Variants in MACROD2 observed in about 807,000 individuals in gnomAD.
MACROD2 encodes the protein mono-ADP ribosylhydrolase 2, also known as ADP-ribose glycohydrolase MACROD2.
In MACROD2, 36 loss-of-function variants were observed where a neutral mutation model predicts 70.4. The observed-to-expected ratio is 0.51, with a 90% CI of 0.39 to 0.68. MACROD2 has a LOEUF of 0.68. Among genes scored for constraint, MACROD2 ranks in the 30% least tolerant of loss-of-function variants. The pLI is 0.00. For synonymous variants in MACROD2, 172 were observed against 178.8 expected, an observed-to-expected ratio of 0.96 and a Z score of 0.30; for missense variants, 496 against 538.4, an observed-to-expected ratio of 0.92 and a Z score of 0.78.
intron 5 of MACROD2, among the ~76,000 whole-genome samples, chr20:15,161,989 GTTGTA>G (rs1298662664): frequency 2.0e-5 from 3 of 151,900 alleles, no homozygotes; most frequent in Admixed American, 6.6e-5. Context: ...CGATATAGGT[GTTGTA>G]TTGTATTAAA....
At chr20:15,159,578 G>T (rs2076333392) in intron 5 of MACROD2, among the ~76,000 whole-genome samples, 1 of 152,078 alleles carries the variant, frequency 6.6e-6, no homozygotes, top group South Asian at 2.1e-4. Context: ...AATGGAAGGA[G>T]CAGACAATCA....
chr20:14,219,462 A>G (rs748398904), intron 3 of MACROD2, among the ~76,000 whole-genome samples: 4 of 151,700 alleles, frequency 2.6e-5, no homozygotes, highest in Non-Finnish European at 4.4e-5. Flanking sequence ...ATTTTCTTAC[A>G]TTGGGCTTCG....
At chr20:15,987,017 G>A in intron 14 of MACROD2, 49 bp from the exon 15 acceptor site, 1 of 1,478,130 alleles carries the variant, frequency 6.8e-7, no homozygotes, top group Non-Finnish European at 9.3e-7. Context: ...TTCTCTCAAT[G>A]ATTCCAACTA....
chr20:14,050,631 C>G (rs1435277432), intron 2 of MACROD2, among the ~76,000 whole-genome samples: 1 of 152,022 alleles, frequency 6.6e-6, no homozygotes, highest in Non-Finnish European at 1.5e-5. Context: ...AAAAAACTGA[C>G]CCCTGGAAAG....
In MACROD2 at chr20:15,175,091, T is replaced by C. The variant is rs535377129; in HGVS notation, c.419-54849T>C. 1.6e-3 allele frequency among the ~76,000 whole-genome samples: 251 copies of C among 152,206 alleles called. 2 individuals carry two copies. Among genetic ancestry groups the C allele is most frequent in the Non-Finnish European group, 2.5e-3 (170 of 68,016 alleles). ...GGCACATATACACCATGGAATACTATGCAGCCATAAAAAATGATGAGTTCA... is the reference window on the plus strand; with the variant it reads ...GGCACATATACACCATGGAATACTACGCAGCCATAAAAAATGATGAGTTCA... On this transcript the variant is annotated intron_variant, in intron 5 of 17. Coordinates refer to ENST00000684519, the MANE Select transcript of MACROD2 (RefSeq NM_001351661.2).
chr20:15,905,788 C>G (rs2065138354), intron 10 of MACROD2, among the ~76,000 whole-genome samples: 3 of 152,148 alleles, frequency 2.0e-5, no homozygotes, highest in Admixed American at 6.5e-5. Context: ...AACTGTCCAC[C>G]TACACTAGAA....
chr20:15,928,688 G>C (rs2065527483), intron 10 of MACROD2, among the ~76,000 whole-genome samples: 1 of 152,216 alleles, frequency 6.6e-6, no homozygotes, highest in African/African-American at 2.4e-5. Context: ...TTTAGACACT[G>C]AGTGGAACAT....
Position 15,403,524 on chromosome 20 carries a change from T to C in MACROD2, c.541-27881T>C, listed in dbSNP as rs193088807. On this transcript the variant is annotated intron_variant, in intron 6 of 17. Transcript: ENST00000684519. Reference sequence around the variant, plus strand: ...CTGTGTAATACCCACTTTTACTTCTTTGTTAACAATGAAATCTCAATTTTA... The same window carrying C: ...CTGTGTAATACCCACTTTTACTTCTCTGTTAACAATGAAATCTCAATTTTA... Among the ~76,000 whole-genome samples, 655 of 152,288 alleles carry C rather than the reference T, an allele frequency of 4.3e-3. 5 individuals carry two copies. Among genetic ancestry groups the C allele is most frequent in the Non-Finnish European group, 6.9e-3 (469 of 68,024 alleles).
intron 8 of MACROD2, among the ~76,000 whole-genome samples, chr20:15,620,777 T>G (rs1258248725): frequency 3.3e-5 from 5 of 152,170 alleles, no homozygotes; most frequent in African/African-American, 7.2e-5. Context: ...CAAGCTGTTT[T>G]TTTGTTTGTT....
At chr20:15,212,363 CAATT>C (rs1474747449) in intron 5 of MACROD2, among the ~76,000 whole-genome samples, 1 of 152,200 alleles carries the variant, frequency 6.6e-6, no homozygotes, top group Admixed American at 6.5e-5. Flanking sequence ...ACTAATGTCT[CAATT>C]AATGTCATCA....
chr20:14,382,445 G>T (rs1430019373), intron 3 of MACROD2, among the ~76,000 whole-genome samples: 1 of 151,786 alleles, frequency 6.6e-6, no homozygotes, highest in Non-Finnish European at 1.5e-5. Flanking sequence ...GAGGAGGGTG[G>T]ATCACCTGAG....
intron 6 of MACROD2, among the ~76,000 whole-genome samples, chr20:15,246,062 TC>T (rs1210257409): frequency 3.3e-5 from 5 of 152,202 alleles, no homozygotes; most frequent in Non-Finnish European, 7.4e-5. Flanking sequence ...TAGGCTAGAA[TC>T]ATGTCCTAAA....
chr20:14,659,901 C>T (rs1986145810), intron 4 of MACROD2, among the ~76,000 whole-genome samples: 1 of 152,066 alleles, frequency 6.6e-6, no homozygotes, highest in Non-Finnish European at 1.5e-5. Context: ...TTTTTGAAAA[C>T]AAACTAAATA....
intron 5 of MACROD2, among the ~76,000 whole-genome samples, chr20:14,935,768 A>G (rs756327108): frequency 6.6e-6 from 1 of 152,190 alleles, no homozygotes; most frequent in African/African-American, 2.4e-5. Context: ...CCAGTCTTCT[A>G]GTGCAAAAAT....
intron 4 of MACROD2, among the ~76,000 whole-genome samples, chr20:14,496,224 C>G (rs1473583471): frequency 2.0e-5 from 3 of 152,092 alleles, no homozygotes; most frequent in African/African-American, 7.2e-5. Flanking sequence ...AAAATCCCTT[C>G]AAAGGTCCAT....
At chr20:14,018,101 AAT>A (rs2053019367) in intron 2 of MACROD2, among the ~76,000 whole-genome samples, 1 of 152,068 alleles carries the variant, frequency 6.6e-6, no homozygotes, top group African/African-American at 2.4e-5. Flanking sequence ...GTATTCTCAT[AAT>A]TATTTCTGTA....
intron 6 of MACROD2, among the ~76,000 whole-genome samples, chr20:15,345,531 A>G (rs1485192476): frequency 6.6e-6 from 1 of 152,154 alleles, no homozygotes; most frequent in African/African-American, 2.4e-5. Flanking sequence ...TTGACATTTC[A>G]TTTCCAGGCT....
At chr20:15,637,425 C>T (rs968347871) in intron 8 of MACROD2, among the ~76,000 whole-genome samples, 1 of 152,200 alleles carries the variant, frequency 6.6e-6, no homozygotes, top group African/African-American at 2.4e-5. Flanking sequence ...CACTCAGATG[C>T]TCACTCAAAT....
intron 5 of MACROD2, among the ~76,000 whole-genome samples, chr20:15,211,940 T>A (rs989556143): frequency 7.2e-5 from 11 of 152,220 alleles, no homozygotes; most frequent in African/African-American, 2.2e-4. Context: ...TTTGAGGAAC[T>A]AACTGTTTTC....
Sources: gnomAD v4.1 joint callset for allele counts (sites outside exome capture counted in the v4.1 genomes callset) on GRCh38, gnomAD v4.1.1 for gene constraint, MANE v1.5 for transcripts, NCBI Gene and HGNC (gene_info 2026-07-23, HGNC 2026-07-21) for gene names.